Variants in XKR4 observed in about 807,000 individuals in gnomAD.
XKR4 encodes XK-related protein 4.
Under a neutral mutation model 53.9 loss-of-function variants are expected in XKR4, and 12 were observed. That is an observed-to-expected ratio of 0.22 (90% CI 0.14 to 0.36). The LOEUF (loss-of-function observed/expected upper bound fraction) is 0.36. XKR4 is among the 10% of genes least tolerant of loss of function. The pLI, the probability that XKR4 is intolerant of heterozygous loss-of-function variation, is 1.00. For missense variants in XKR4, 799 were observed against 859.5 expected (o/e 0.93, Z 0.88); for synonymous variants, 354 against 362.4 (o/e 0.98, Z 0.26).
intron 1 of XKR4, among the ~76,000 whole-genome samples, chr8:55,355,064 C>G (rs889142530): frequency 6.6e-6 from 1 of 151,918 alleles, no homozygotes; most frequent in Non-Finnish European, 1.5e-5. Flanking sequence ...CCACCACACC[C>G]AGCTAATTTT....
chr8:55,297,197 A>G (rs544081097), intron 1 of XKR4, among the ~76,000 whole-genome samples: 1 of 152,328 alleles, frequency 6.6e-6, no homozygotes, highest in Admixed American at 6.5e-5. Context: ...GCATCAGGAA[A>G]TGATACCCAA....
At chr8:55,364,635 G>GTT (rs367829570) in intron 2 of XKR4, among the ~76,000 whole-genome samples, 1 of 151,608 alleles carries the variant, frequency 6.6e-6, no homozygotes, top group Non-Finnish European at 1.5e-5. Flanking sequence ...TTTTGTTGGG[G>GTT]TTTTTTTTGT....
At chr8:55,496,796 A>T (rs1171981505) in intron 2 of XKR4, among the ~76,000 whole-genome samples, 1 of 152,252 alleles carries the variant, frequency 6.6e-6, no homozygotes, top group Non-Finnish European at 1.5e-5. Flanking sequence ...TCCTAGTTCA[A>T]CATTTCTCAA....
At chr8:55,204,231 C>T (rs1263717207) in intron 1 of XKR4, among the ~76,000 whole-genome samples, 1 of 152,100 alleles carries the variant, frequency 6.6e-6, no homozygotes, top group Non-Finnish European at 1.5e-5. Flanking sequence ...GTCTTGAACT[C>T]CTGGCTTCAA....
At chr8:55,294,091 T>G (rs1819066515) in intron 1 of XKR4, among the ~76,000 whole-genome samples, 2 of 152,216 alleles carry the variant, frequency 1.3e-5, no homozygotes, top group African/African-American at 4.8e-5. Context: ...CAACTTACCT[T>G]GCTACATCTT....
intron 2 of XKR4, chr8:55,452,950 C>T: frequency 1.3e-6 from 1 of 782,748 alleles, no homozygotes; most frequent in Non-Finnish European, 2.3e-6. Context: ...TGCATCAGCT[C>T]CTGCTGCTTC....
chr8:55,288,337 A>G lies in XKR4; in HGVS notation c.807-69341A>G, dbSNP rs150581897. On this transcript the variant is annotated intron_variant, in intron 1 of 2. Transcript: ENST00000327381. ...TTTTAGGCTTTGCTGTTTTGCAGTA[A>G]TTTTAAAAAGTTGCTAAAGATGTTG... Among the ~76,000 whole-genome samples the G allele has an allele frequency of 9.1e-4, 139 of 152,356 alleles. 2 individuals are homozygous for G. Among genetic ancestry groups the G allele is most frequent in the African/African-American group, 3.3e-3 (139 of 41,592 alleles).
chr8:55,234,304 C>CA (rs1380537706), intron 1 of XKR4, among the ~76,000 whole-genome samples: 1 of 152,062 alleles, frequency 6.6e-6, no homozygotes, highest in Non-Finnish European at 1.5e-5. Flanking sequence ...CAGATTTTTG[C>CA]AAAAATACAT....
At chr8:55,452,388 G>C in intron 2 of XKR4, 1 of 629,700 alleles carries the variant, frequency 1.6e-6, no homozygotes, top group Non-Finnish European at 2.9e-6. Flanking sequence ...GACCCGGTAC[G>C]TAGTGAGGAA....
In XKR4 at chr8:55,515,401, G is replaced by GT. The variant is rs145888781; in HGVS notation, c.1007-7871dup. 5.4e-3 allele frequency among the ~76,000 whole-genome samples: 808 copies of GT among 150,800 alleles called. 10 individuals carry two copies. The highest frequency in any genetic ancestry group is 0.018 in the African/African-American group (759 of 41,044). On this transcript the variant is annotated intron_variant, in intron 2 of 2. Coordinates refer to ENST00000327381, the MANE Select transcript of XKR4 (RefSeq NM_052898.2). Reference sequence around the variant, plus strand: ...AAGATCTGAGCATAGAGGTTGTCGTGTTTTTTTTTCAATTATTACCTTCCT... The same window carrying GT: ...AAGATCTGAGCATAGAGGTTGTCGTGTTTTTTTTTTCAATTATTACCTTCCT...
chr8:55,176,355 C>G lies in XKR4; in HGVS notation c.806+73061C>G, dbSNP rs548287319. Among the ~76,000 whole-genome samples, 4 of 152,314 alleles carry G rather than the reference C, an allele frequency of 2.6e-5. No homozygotes were observed. In the East Asian group the frequency reaches 7.7e-4, roughly 29 times the overall value. On this transcript the variant is annotated intron_variant, in intron 1 of 2. Transcript: ENST00000327381. Reference sequence around the variant, plus strand: ...CTCTGCTAGCCTTGCACCCTGTGCACGGTCCCCAGCCGCTGCCTCCAGAGA... The same window carrying G: ...CTCTGCTAGCCTTGCACCCTGTGCAGGGTCCCCAGCCGCTGCCTCCAGAGA...
At chr8:55,396,265 C>A (rs760166066) in intron 2 of XKR4, among the ~76,000 whole-genome samples, 4 of 152,152 alleles carry the variant, frequency 2.6e-5, no homozygotes, top group Non-Finnish European at 5.9e-5. Flanking sequence ...TGCTGTTTGG[C>A]TGGGGAAGAG....
chr8:55,198,370 G>C (rs1817531883), intron 1 of XKR4, among the ~76,000 whole-genome samples: 1 of 152,076 alleles, frequency 6.6e-6, no homozygotes, highest in Non-Finnish European at 1.5e-5. Flanking sequence ...TGGTATGGAT[G>C]ATCAAAAACC....
At chr8:55,473,310 G>C (rs573779058) in intron 2 of XKR4, among the ~76,000 whole-genome samples, 2 of 152,202 alleles carry the variant, frequency 1.3e-5, no homozygotes, top group South Asian at 4.1e-4. Context: ...GGTGAAAATT[G>C]AGGTTCTGTG....
intron 1 of XKR4, among the ~76,000 whole-genome samples, chr8:55,248,378 A>G (rs574753463): frequency 6.6e-6 from 1 of 152,350 alleles, no homozygotes; most frequent in East Asian, 1.9e-4. Context: ...TTTGACATTC[A>G]TGCAAGCATG....
rs964973711 is a variant in XKR4, at chr8:55,293,596, A to G, written c.807-64082A>G. Among the ~76,000 whole-genome samples the G allele has an allele frequency of 1.5e-4, 23 of 152,138 alleles. 1 individual carries two copies. The highest frequency in any genetic ancestry group is 1.4e-3 in the Admixed American group (22 of 15,270). Reference sequence around the variant, plus strand: ...ATTATTAAAATAAATGCTTTTTATGATTTGATTTTAGTAAAATCATGATGT... The same window carrying G: ...ATTATTAAAATAAATGCTTTTTATGGTTTGATTTTAGTAAAATCATGATGT... On this transcript the variant is annotated intron_variant, in intron 1 of 2. Transcript: ENST00000327381.
intron 1 of XKR4, among the ~76,000 whole-genome samples, chr8:55,323,283 A>T (rs1790637824): frequency 6.6e-6 from 1 of 152,254 alleles, no homozygotes; most frequent in Admixed American, 6.5e-5. Context: ...TATACTCATC[A>T]TTGCAATGAA....
chr8:55,270,227 A>G (rs766863024), intron 1 of XKR4, among the ~76,000 whole-genome samples: 2 of 152,122 alleles, frequency 1.3e-5, no homozygotes, highest in Non-Finnish European at 2.9e-5. Flanking sequence ...ATCACCTCTG[A>G]AGTCCACCTT....
At chr8:55,441,895 T>C (rs934784361) in intron 2 of XKR4, among the ~76,000 whole-genome samples, 1 of 151,876 alleles carries the variant, frequency 6.6e-6, no homozygotes, top group African/African-American at 2.4e-5. Context: ...AATAATATAT[T>C]GGAAAAAGAA....
Sources: gnomAD v4.1 joint callset for allele counts (sites outside exome capture counted in the v4.1 genomes callset) on GRCh38, gnomAD v4.1.1 for gene constraint, MANE v1.5 for transcripts, NCBI Gene and HGNC (gene_info 2026-07-23, HGNC 2026-07-21) for gene names.